MACROD2: variants seen among roughly 807,000 people sequenced by gnomAD.
MACROD2 encodes mono-ADP ribosylhydrolase 2, also known as ADP-ribose glycohydrolase MACROD2.
In MACROD2, 36 loss-of-function variants were observed where a neutral mutation model predicts 70.4. The ratio of observed to expected loss-of-function variants is 0.51; its 90% CI spans 0.39 to 0.68. The LOEUF is 0.68. Ranked by LOEUF, MACROD2 falls within the 30% of genes least tolerant of loss-of-function variation. The pLI is 0.00. For synonymous variants in MACROD2, 172 were observed against 178.8 expected (o/e 0.96, Z 0.30); for missense variants, 496 against 538.4 (o/e 0.92, Z 0.78).
At chr20:14,232,854 A>T (rs890543088) in intron 3 of MACROD2, among the ~76,000 whole-genome samples, 1 of 152,232 alleles carries the variant, frequency 6.6e-6, no homozygotes, top group Non-Finnish European at 1.5e-5. Context: ...CCTAGCTTTC[A>T]GCTTGTCTTG....
intron 8 of MACROD2, among the ~76,000 whole-genome samples, chr20:15,520,192 G>C (rs2047633681): frequency 6.6e-6 from 1 of 152,178 alleles, no homozygotes; most frequent in Admixed American, 6.5e-5. Flanking sequence ...AGTTAATGTA[G>C]ATTACCATTT....
At chr20:15,364,792 C>T (rs891390544) in intron 6 of MACROD2, among the ~76,000 whole-genome samples, 1 of 152,216 alleles carries the variant, frequency 6.6e-6, no homozygotes, top group Non-Finnish European at 1.5e-5. Flanking sequence ...GGAGCCCCTA[C>T]TGGGATCCTT....
rs777581993 is a variant in MACROD2, at chr20:14,317,930, C to T, written c.272-175549C>T. Reference sequence around the variant, plus strand: ...ATGGTAGGGTCTGTAGCAGCAACAACGTAATCAGCAGGCACTTATTAAGCC... The same window carrying T: ...ATGGTAGGGTCTGTAGCAGCAACAATGTAATCAGCAGGCACTTATTAAGCC... On this transcript the variant is annotated intron_variant, in intron 3 of 17. Transcript: ENST00000684519. Among the ~76,000 whole-genome samples the T allele has an allele frequency of 2.0e-5, 3 of 152,160 alleles. No homozygotes were observed. In the South Asian group the frequency reaches 6.2e-4, roughly 31 times the overall value.
chr20:15,446,131 T>G (rs922591082), intron 7 of MACROD2, among the ~76,000 whole-genome samples: 1 of 152,180 alleles, frequency 6.6e-6, no homozygotes, highest in Middle Eastern at 3.2e-3. Context: ...CATTCTCTCC[T>G]CTGTGTCTTC....
intron 6 of MACROD2, among the ~76,000 whole-genome samples, chr20:15,427,028 C>G (rs6043272): frequency 0.089 from 9,168 of 103,342 alleles, 867 homozygotes; most frequent in African/African-American, 0.3. Flanking sequence ...CTGTCTGTCT[C>G]TCTCTCTCTG....
chr20:14,049,955 GT>G (rs2148647740), intron 2 of MACROD2, among the ~76,000 whole-genome samples: 1 of 151,818 alleles, frequency 6.6e-6, no homozygotes, highest in African/African-American at 2.4e-5. Flanking sequence ...GTGGTGGCAG[GT>G]CCCTATAATC....
chr20:15,092,439 AT>A (rs1173122326), intron 5 of MACROD2, among the ~76,000 whole-genome samples: 1 of 148,654 alleles, frequency 6.7e-6, no homozygotes, highest in Non-Finnish European at 1.5e-5. Context: ...AAATTTATAT[AT>A]TTATAACATT....
At chr20:15,635,942 C>T (rs1359064479) in intron 8 of MACROD2, among the ~76,000 whole-genome samples, 3 of 151,772 alleles carry the variant, frequency 2.0e-5, no homozygotes, top group East Asian at 3.9e-4. Context: ...GTGGTGCATG[C>T]TTGTAATCCC....
chr20:15,568,460 C>G (rs1455072754), intron 8 of MACROD2, among the ~76,000 whole-genome samples: 1 of 152,052 alleles, frequency 6.6e-6, no homozygotes, highest in Non-Finnish European at 1.5e-5. Flanking sequence ...TGTGTCAACA[C>G]CGTTGGCTGC....
intron 12 of MACROD2, among the ~76,000 whole-genome samples, chr20:15,946,953 A>G (rs1043274332): frequency 2.6e-5 from 4 of 152,186 alleles, no homozygotes; most frequent in Non-Finnish European, 4.4e-5. Context: ...TGTGTCACAA[A>G]TAAGTTTAAG....
chr20:14,351,757 G>C (rs1021108297), intron 3 of MACROD2, among the ~76,000 whole-genome samples: 13 of 152,044 alleles, frequency 8.6e-5, no homozygotes, highest in African/African-American at 3.1e-4. Context: ...GCTCTAGCTA[G>C]GACTTTCAGT....
intron 3 of MACROD2, among the ~76,000 whole-genome samples, chr20:14,223,681 T>C (rs1004500975): frequency 1.3e-4 from 20 of 152,084 alleles, no homozygotes; most frequent in Non-Finnish European, 2.8e-4. Context: ...CCAATTTTTG[T>C]ATTTTTAGTA....
intron 5 of MACROD2, among the ~76,000 whole-genome samples, chr20:15,191,084 A>G (rs1465845109): frequency 6.6e-6 from 1 of 152,216 alleles, no homozygotes; most frequent in African/African-American, 2.4e-5. Flanking sequence ...CATATAGTTT[A>G]TTTGGGAAGT....
At chr20:16,025,035 T>C (rs744228) in intron 15 of MACROD2, among the ~76,000 whole-genome samples, 38,087 of 152,160 alleles carry the variant, frequency 0.25, 4,864 homozygotes, top group East Asian at 0.46. Context: ...TGAATTGTTA[T>C]CTTGCCGAAG....
At chr20:14,228,206 G>A (rs185523720) in intron 3 of MACROD2, among the ~76,000 whole-genome samples, 18 of 152,016 alleles carry the variant, frequency 1.2e-4, no homozygotes, top group Middle Eastern at 3.4e-3. Flanking sequence ...GTGTGTGTGC[G>A]TGTGTAGACA....
intron 8 of MACROD2, among the ~76,000 whole-genome samples, chr20:15,654,358 C>G (rs906771490): frequency 6.6e-6 from 1 of 152,170 alleles, no homozygotes; most frequent in African/African-American, 2.4e-5. Context: ...ATTGTCAATA[C>G]CTCTTAACAG....
At chr20:15,558,063 G>C (rs1055660784) in intron 8 of MACROD2, among the ~76,000 whole-genome samples, 3 of 152,130 alleles carry the variant, frequency 2.0e-5, no homozygotes, top group Non-Finnish European at 2.9e-5. Context: ...GCATAACTAA[G>C]ATATAAAAAG....
chr20:14,775,188 T>C (rs1041234239), intron 5 of MACROD2, among the ~76,000 whole-genome samples: 1 of 152,116 alleles, frequency 6.6e-6, no homozygotes, highest in Non-Finnish European at 1.5e-5. Context: ...ATGATCTCAT[T>C]TTTCCTTATG....
intron 7 of MACROD2, among the ~76,000 whole-genome samples, chr20:15,475,827 T>C (rs1183159629): frequency 6.6e-6 from 1 of 152,240 alleles, no homozygotes; most frequent in Non-Finnish European, 1.5e-5. Context: ...AGGGTAATTC[T>C]GATGGCAGAA....
Sources: gnomAD v4.1 joint callset for allele counts (sites outside exome capture counted in the v4.1 genomes callset) on GRCh38, gnomAD v4.1.1 for gene constraint, MANE v1.5 for transcripts, NCBI Gene and HGNC (gene_info 2026-07-23, HGNC 2026-07-21) for gene names.